Variants in MEF2C observed in about 807,000 individuals in gnomAD.
The protein encoded by MEF2C is myocyte enhancer factor 2C.
MEF2C carries 6 observed loss-of-function variants against 50.5 expected under a neutral mutation model. The observed-to-expected ratio is 0.12, with a 90% CI of 0.07 to 0.23. MEF2C has a LOEUF of 0.23. Among genes scored for constraint, MEF2C ranks in the 10% least tolerant of loss-of-function variants. The pLI, the probability that MEF2C is intolerant of heterozygous loss-of-function variation, is 1.00. For synonymous variants in MEF2C, 183 were observed against 228.0 expected (o/e 0.80, Z 1.78); for missense variants, 276 against 605.0 (o/e 0.46, Z 5.70).
At chr5:88,899,563 A>G (rs114843810) in intron 1 of MEF2C, among the ~76,000 whole-genome samples, 4,763 of 152,144 alleles carry the variant, frequency 0.031, 94 homozygotes, top group Non-Finnish European at 0.049. Flanking sequence ...AAATCTTCCT[A>G]CTTCTGCTCT....
At chr5:88,727,990 T>C (rs1443891256) in intron 10 of MEF2C, among the ~76,000 whole-genome samples, 1 of 151,966 alleles carries the variant, frequency 6.6e-6, no homozygotes, top group Non-Finnish European at 1.5e-5. Flanking sequence ...ATGTACTAGT[T>C]AGTATTATAT....
intron 8 of MEF2C, 33 bp from the exon 9 acceptor site, chr5:88,729,380 A>C: frequency 1.9e-6 from 3 of 1,540,732 alleles, no homozygotes; most frequent in Middle Eastern, 1.7e-4. Context: ...ATTACTGATG[A>C]ATTTTTTTAA....
chr5:88,830,325 A>G (rs902856025), intron 1 of MEF2C, among the ~76,000 whole-genome samples: 1 of 152,034 alleles, frequency 6.6e-6, no homozygotes, highest in Admixed American at 6.6e-5. Flanking sequence ...GTATGTCAGA[A>G]ATATAATAAG....
At chr5:88,824,048 A>G in intron 1 of MEF2C, 118 bp from the exon 2 acceptor site, 1 of 1,049,606 alleles carries the variant, frequency 9.5e-7, no homozygotes, top group Non-Finnish European at 1.2e-6. Flanking sequence ...TAAAATGAAT[A>G]AAAATAACTT....
chr5:88,864,261 T>C (rs1410964227), intron 1 of MEF2C, among the ~76,000 whole-genome samples: 1 of 151,814 alleles, frequency 6.6e-6, no homozygotes, highest in Non-Finnish European at 1.5e-5. Context: ...TATTTGATCA[T>C]GCTATAATGT....
intron 1 of MEF2C, among the ~76,000 whole-genome samples, chr5:88,891,046 C>T (rs1006802116): frequency 6.6e-6 from 1 of 152,152 alleles, no homozygotes; most frequent in East Asian, 1.9e-4. Flanking sequence ...GCTAAGTATT[C>T]CTCCAGGAAG....
At chr5:88,724,543 G>A (rs1581243079) in intron 10 of MEF2C, among the ~76,000 whole-genome samples, 2 of 152,164 alleles carry the variant, frequency 1.3e-5, no homozygotes, top group East Asian at 3.8e-4. Context: ...TCAAAGCAGT[G>A]TTAGCATTTA....
intron 1 of MEF2C, among the ~76,000 whole-genome samples, chr5:88,860,972 A>T (rs1490079512): frequency 1.3e-5 from 2 of 152,166 alleles, no homozygotes; most frequent in Non-Finnish European, 2.9e-5. Flanking sequence ...TATAAAGTTC[A>T]TCACTTCCCC....
At position 88,857,872 on chromosome 5, in the gene MEF2C, C is replaced by T. The variant is rs115337191; in HGVS notation, c.-143+25083G>A. 3.2e-3 allele frequency among the ~76,000 whole-genome samples: 489 copies of T among 152,288 alleles called. 6 individuals carry two copies. The highest frequency in any genetic ancestry group is 0.011 in the African/African-American group (473 of 41,552). On this transcript the variant is annotated intron_variant, in intron 1 of 10. Transcript: ENST00000504921. ...ATAGCAGCGTAAGAACAAACTAATACACTTCCTTTCTTCAGATTTCCTGTA... is the reference window on the plus strand; with the variant it reads ...ATAGCAGCGTAAGAACAAACTAATATACTTCCTTTCTTCAGATTTCCTGTA...
intron 3 of MEF2C, among the ~76,000 whole-genome samples, chr5:88,773,573 C>T (rs1006812573): frequency 2.6e-5 from 4 of 152,170 alleles, no homozygotes; most frequent in East Asian, 1.9e-4. Flanking sequence ...AGTCTCCTGA[C>T]GACTTTCCAT....
intron 1 of MEF2C, chr5:88,888,983 TCCCCTTTTAA>T (rs1405917320): frequency 2.0e-5 from 3 of 152,220 alleles, no homozygotes; most frequent in African/African-American, 7.2e-5. Flanking sequence ...TTTTCACACT[TCCCCTTTTAA>T]CTGTTTCTTC....
At chr5:88,735,532 T>A in intron 6 of MEF2C, 1 of 977,942 alleles carries the variant, frequency 1.0e-6, no homozygotes, top group Non-Finnish European at 1.2e-6. Context: ...CAGTTTGTTT[T>A]ATAGTTTCAT....
At chr5:88,801,710 T>G (rs921121393) in intron 3 of MEF2C, among the ~76,000 whole-genome samples, 12 of 152,024 alleles carry the variant, frequency 7.9e-5, no homozygotes, top group African/African-American at 2.4e-4. Flanking sequence ...ATGATCTTGA[T>G]CTCCTGACCT....
intron 3 of MEF2C, among the ~76,000 whole-genome samples, chr5:88,766,005 G>A (rs552007422): frequency 3.3e-5 from 5 of 152,298 alleles, no homozygotes; most frequent in East Asian, 1.9e-4. Flanking sequence ...GAGAACAGCC[G>A]TTTCCTAGAG....
chr5:88,865,555 T>C (rs1827021646), intron 1 of MEF2C, among the ~76,000 whole-genome samples: 1 of 152,290 alleles, frequency 6.6e-6, no homozygotes, highest in South Asian at 2.1e-4. Flanking sequence ...CAGTGAATAA[T>C]TATTTCCTGC....
intron 1 of MEF2C, chr5:88,889,086 G>A (rs905009106): frequency 6.6e-6 from 1 of 152,104 alleles, no homozygotes; most frequent in South Asian, 2.1e-4. Context: ...TAAAAATCTC[G>A]TCCTGCGTTT....
rs1384593932 is a variant in MEF2C, at chr5:88,883,132, T to C, written c.-320A>G. On this transcript the variant is annotated 5_prime_UTR_variant, in exon 1 of 11. Transcript: ENST00000504921. ...CACAGAACCTTCAAAGTCAATCCAA[T>C]AGCAGCCCGAAGATGTCTGGGTGTA... The C allele has an allele frequency of 4.6e-5, 7 of 151,514 alleles. No individual in the cohort carries two copies. In the South Asian group the frequency reaches 6.3e-4, roughly 14 times the overall value. 9.4% of individuals were successfully genotyped at this position (151,514 alleles called of 1,614,324 possible). A position where few individuals can be genotyped will look rare whatever the true frequency, so the allele number is the denominator to read the frequency against.
intron 6 of MEF2C, chr5:88,734,766 C>T: frequency 1.0e-6 from 1 of 981,434 alleles, no homozygotes; most frequent in Non-Finnish European, 1.2e-6. Context: ...TTTTAAAAGC[C>T]TTCTATTTTT....
intron 6 of MEF2C, among the ~76,000 whole-genome samples, chr5:88,744,354 G>C (rs1416805251): frequency 1.3e-5 from 2 of 152,174 alleles, no homozygotes; most frequent in East Asian, 3.8e-4. Flanking sequence ...AGGAGTTTGT[G>C]ACCAGCCTGG....
Sources: gnomAD v4.1 joint callset for allele counts (sites outside exome capture counted in the v4.1 genomes callset) on GRCh38, gnomAD v4.1.1 for gene constraint, MANE v1.5 for transcripts, NCBI Gene and HGNC (gene_info 2026-07-23, HGNC 2026-07-21) for gene names.